MARCHF8: variants seen among roughly 807,000 people sequenced by gnomAD.
MARCHF8 encodes the protein E3 ubiquitin-protein ligase MARCHF8.
MARCHF8 carries 40 observed loss-of-function variants against 51.6 expected under a neutral mutation model. That is an observed-to-expected ratio of 0.77 (90% confidence interval 0.60 to 1.01). MARCHF8 has a LOEUF of 1.01. MARCHF8 is among the 50% of genes least tolerant of loss of function. The probability of loss-of-function intolerance (pLI) is 0.00; values close to 1 mark genes in which losing one functional copy is unlikely to be tolerated. For missense variants in MARCHF8, 685 were observed against 708.6 expected, an observed-to-expected ratio of 0.97 and a Z score of 0.38; for synonymous variants, 263 against 280.3, an observed-to-expected ratio of 0.94 and a Z score of 0.62.
At chr10:45,478,581 G>C (rs1163337010) in intron 3 of MARCHF8, among the ~76,000 whole-genome samples, 2 of 122,548 alleles carry the variant, frequency 1.6e-5, no homozygotes, top group African/African-American at 2.8e-5. Flanking sequence ...AAAAAAAAAA[G>C]ATCAATGAAA....
intron 4 of MARCHF8, 52 bp downstream of exon 4, chr10:45,464,187 G>A: frequency 1.3e-6 from 2 of 1,585,450 alleles, no homozygotes; most frequent in South Asian, 2.2e-5. Flanking sequence ...AGACACTAAT[G>A]CTTATTTCTG....
At chr10:45,572,212 G>A (rs112058148) in intron 1 of MARCHF8, among the ~76,000 whole-genome samples, 3,187 of 136,476 alleles carry the variant, frequency 0.023, 20 homozygotes, top group Non-Finnish European at 0.026. Context: ...TTCCTGGGGG[G>A]CAAGCACCCC....
At chr10:45,506,056 T>TTATAAAATCTACATTATGAAA (rs1554812509) in intron 2 of MARCHF8, among the ~76,000 whole-genome samples, 1 of 152,178 alleles carries the variant, frequency 6.6e-6, no homozygotes, top group Non-Finnish European at 1.5e-5. Flanking sequence ...ACAAATTAGA[T>TTATAAAATCTACATTATGAAA]TATAAAATCT....
At chr10:45,509,357 C>G (rs555719007) in intron 2 of MARCHF8, among the ~76,000 whole-genome samples, 1 of 152,320 alleles carries the variant, frequency 6.6e-6, no homozygotes, top group South Asian at 2.1e-4. Context: ...CTTCTTAAAG[C>G]TATCTATAAC....
upstream of MARCHF8, among the ~76,000 whole-genome samples, chr10:45,537,269 T>A (rs2133293633): frequency 6.6e-6 from 1 of 152,254 alleles, no homozygotes; most frequent in African/African-American, 2.4e-5. Flanking sequence ...ATAAATCAAA[T>A]AAGCTATATC....
At chr10:45,566,040 C>A (rs1368855969) in intron 1 of MARCHF8, among the ~76,000 whole-genome samples, 1 of 152,092 alleles carries the variant, frequency 6.6e-6, no homozygotes, top group African/African-American at 2.4e-5. Flanking sequence ...GGCACATCGG[C>A]CCTACACTTG....
intron 3 of MARCHF8, among the ~76,000 whole-genome samples, chr10:45,479,222 A>G (rs2042841647): frequency 1.3e-5 from 2 of 152,256 alleles, no homozygotes; most frequent in South Asian, 4.1e-4. Flanking sequence ...CACATCATGT[A>G]AACAGAATGA....
At chr10:45,459,647 A>G in intron 6 of MARCHF8, 1 of 932,792 alleles carries the variant, frequency 1.1e-6, no homozygotes, top group Non-Finnish European at 1.3e-6. Flanking sequence ...GCTGACTGGC[A>G]TGGACGAGCG....
chr10:45,477,084 A>C (rs147242416), intron 3 of MARCHF8, among the ~76,000 whole-genome samples: 33 of 152,350 alleles, frequency 2.2e-4, no homozygotes, highest in African/African-American at 7.9e-4. Flanking sequence ...GCCTAAAAAT[A>C]GCAAGAAAAA....
chr10:45,532,974 T>C lies in MARCHF8; in HGVS notation c.102+136A>G, dbSNP rs1026260662. The C allele has an allele frequency of 2.1e-5, 12 of 559,524 alleles. No homozygotes were observed. The Middle Eastern group carries it at 1.6e-3, about 75-fold the overall frequency. The allele number at this position is 559,524 out of a possible 1,614,324, so 34.7% of individuals were successfully genotyped here. ...AAATCTACAAAAAGACAATTCCTTC[T>C]GAGTACAACTATTTGTGTGCTTGTC... On this transcript the variant is annotated intron_variant, in intron 2 of 7. Transcript: ENST00000453424.
Position 45,505,345 on chromosome 10 carries a change from G to A in MARCHF8, c.103-15928C>T, listed in dbSNP as rs77456171. Among the ~76,000 whole-genome samples, 576 of 152,346 alleles carry A rather than the reference G, an allele frequency of 3.8e-3. 12 individuals carry two copies. The East Asian group carries it at 0.053, about 14-fold the overall frequency. ...CAATCCCTGTGGCAAGAGACTGCCT[G>A]ACTTCACTTGTATCTATTAAGCCAA... On this transcript the variant is annotated intron_variant, in intron 2 of 7. Coordinates refer to ENST00000453424, the MANE Select transcript of MARCHF8 (RefSeq NM_001282866.2).
chr10:45,538,190 A>G (rs1020282911), upstream of MARCHF8, among the ~76,000 whole-genome samples: 11 of 152,242 alleles, frequency 7.2e-5, no homozygotes, highest in Admixed American at 5.9e-4. Flanking sequence ...AGAATTTTCA[A>G]CCCAGAATTT....
intron 1 of MARCHF8, among the ~76,000 whole-genome samples, chr10:45,566,092 A>G (rs568559350): frequency 3.9e-5 from 6 of 152,288 alleles, no homozygotes; most frequent in African/African-American, 1.2e-4. Context: ...AAGAAGTATA[A>G]AAATGTGGAA....
chr10:45,568,936 G>T (rs952601365), intron 1 of MARCHF8, among the ~76,000 whole-genome samples: 2 of 151,074 alleles, frequency 1.3e-5, no homozygotes, highest in East Asian at 3.9e-4. Context: ...GTGGTAGTGG[G>T]CGCCTGTAGT....
intron 2 of MARCHF8, among the ~76,000 whole-genome samples, chr10:45,491,839 C>A (rs2043085700): frequency 6.6e-6 from 1 of 152,176 alleles, no homozygotes; most frequent in African/African-American, 2.4e-5. Context: ...TGCTACATTA[C>A]TTACTACCTC....
In MARCHF8 at chr10:45,482,973, C is replaced by T. The variant is rs188375981; in HGVS notation, c.153+6394G>A. Among the ~76,000 whole-genome samples the T allele has an allele frequency of 2.8e-4, 43 of 152,242 alleles. No homozygotes were observed. In the South Asian group the frequency reaches 2.9e-3, roughly 10 times the overall value. ...ATGAAACTGAAGCCCTCTCTCTCATCGCATACAAAAATCAACTCAAGATGG... is the reference window on the plus strand; with the variant it reads ...ATGAAACTGAAGCCCTCTCTCTCATTGCATACAAAAATCAACTCAAGATGG... On this transcript the variant is annotated intron_variant, in intron 3 of 7. Coordinates refer to ENST00000453424, the MANE Select transcript of MARCHF8 (RefSeq NM_001282866.2).
chr10:45,525,227 G>C (rs2043771905), intron 2 of MARCHF8, among the ~76,000 whole-genome samples: 1 of 152,150 alleles, frequency 6.6e-6, no homozygotes. Flanking sequence ...CCATCATCCT[G>C]ATGCTGCATG....
At chr10:45,577,771 T>C (rs758634058) in intron 1 of MARCHF8, among the ~76,000 whole-genome samples, 3 of 152,202 alleles carry the variant, frequency 2.0e-5, no homozygotes, top group Non-Finnish European at 4.4e-5. Context: ...TCTGTAATCC[T>C]ACCACTTTAA....
intron 1 of MARCHF8, among the ~76,000 whole-genome samples, chr10:45,544,870 A>C (rs1009775675): frequency 2.6e-5 from 4 of 152,198 alleles, no homozygotes; most frequent in African/African-American, 9.7e-5. Flanking sequence ...CATTTAATAC[A>C]GCTTACAAGG....
Sources: gnomAD v4.1 joint callset for allele counts (sites outside exome capture counted in the v4.1 genomes callset) on GRCh38, gnomAD v4.1.1 for gene constraint, MANE v1.5 for transcripts, NCBI Gene and HGNC (gene_info 2026-07-23, HGNC 2026-07-21) for gene names.